The following HTR7 variants were observed in gnomAD, a reference collection of about 807,000 sequenced individuals.
The protein encoded by HTR7 is 5-HT-7.
In HTR7, 16 loss-of-function variants were observed where a neutral mutation model predicts 34.0. The observed-to-expected ratio is 0.47, with a 90% confidence interval of 0.32 to 0.71. The LOEUF is 0.71. Ranked by LOEUF, HTR7 falls within the 30% of genes least tolerant of loss-of-function variation. The pLI is 0.04. For missense variants in HTR7, 504 were observed against 625.5 expected (o/e 0.81, Z 2.07); for synonymous variants, 265 against 260.2 (o/e 1.02, Z -0.18).
chr10:90,757,578 G>A (rs1844854496), intron 1 of HTR7, among the ~76,000 whole-genome samples: 1 of 152,028 alleles, frequency 6.6e-6, no homozygotes, highest in African/African-American at 2.4e-5. Flanking sequence ...CTACACTTCC[G>A]GGCAACTGAA....
chr10:90,779,821 T>C (rs974604974), intron 1 of HTR7, among the ~76,000 whole-genome samples: 1 of 152,148 alleles, frequency 6.6e-6, no homozygotes, highest in African/African-American at 2.4e-5. Flanking sequence ...ATGGAAATAT[T>C]TGTGAGCGAC....
intron 1 of HTR7, among the ~76,000 whole-genome samples, chr10:90,814,016 A>C (rs1845858921): frequency 6.6e-6 from 1 of 152,158 alleles, no homozygotes; most frequent in South Asian, 2.1e-4. Flanking sequence ...CGCAAGAGAG[A>C]GAGCTGTTCT....
chr10:90,816,926 T>C (rs1008727871), intron 1 of HTR7, among the ~76,000 whole-genome samples: 8 of 152,078 alleles, frequency 5.3e-5, no homozygotes, highest in East Asian at 1.9e-4. Context: ...GCATAAAAGG[T>C]TTTAAACATT....
At chr10:90,803,334 T>C (rs1024877202) in intron 1 of HTR7, among the ~76,000 whole-genome samples, 3 of 152,080 alleles carry the variant, frequency 2.0e-5, no homozygotes, top group African/African-American at 7.2e-5. Context: ...TCCCTTGGGG[T>C]AGGGTATTCA....
At chr10:90,837,217 A>G (rs2120075548) in intron 1 of HTR7, among the ~76,000 whole-genome samples, 1 of 152,378 alleles carries the variant, frequency 6.6e-6, no homozygotes, top group Non-Finnish European at 1.5e-5. Flanking sequence ...TAGAATATTC[A>G]TTAATTTATC....
chr10:90,832,175 G>T (rs1846189266), intron 1 of HTR7, among the ~76,000 whole-genome samples: 1 of 152,340 alleles, frequency 6.6e-6, no homozygotes, highest in South Asian at 2.1e-4. Flanking sequence ...CCATGCGGGT[G>T]CACTCCTCAG....
At chr10:90,832,282 A>G (rs111386413) in intron 1 of HTR7, among the ~76,000 whole-genome samples, 11,636 of 152,266 alleles carry the variant, frequency 0.076, 482 homozygotes, top group Non-Finnish European at 0.095. Context: ...GGTGTAGGGG[A>G]GACCCAGGCA....
intron 1 of HTR7, among the ~76,000 whole-genome samples, chr10:90,786,593 T>C (rs1276967101): frequency 1.3e-5 from 2 of 152,258 alleles, no homozygotes; most frequent in Non-Finnish European, 2.9e-5. Context: ...GAATTTTTAT[T>C]TTTAAACTAC....
At position 90,786,515 on chromosome 10, in the gene HTR7, G is replaced by T. The variant is rs375908308; in HGVS notation, c.540-36921C>A. On this transcript the variant is annotated intron_variant, in intron 1 of 3. Transcript: ENST00000336152. Reference sequence around the variant, plus strand: ...ATGAAATGCTTAAATAGATGGAAAAGTCATGAGACCAGGGAAGAGTAAGAA... The same window carrying T: ...ATGAAATGCTTAAATAGATGGAAAATTCATGAGACCAGGGAAGAGTAAGAA... Among the ~76,000 whole-genome samples, 25 of 152,338 alleles carry T rather than the reference G, an allele frequency of 1.6e-4. 1 individual carries two copies. The South Asian group carries it at 2.9e-3, about 18-fold the overall frequency.
intron 1 of HTR7, among the ~76,000 whole-genome samples, chr10:90,773,693 CAT>C (rs1400832923): frequency 7.2e-5 from 11 of 152,278 alleles, no homozygotes; most frequent in Admixed American, 6.5e-4. Flanking sequence ...CAGGTGAAAA[CAT>C]GTGATGTTTG....
In HTR7 at chr10:90,857,622, C is replaced by A. The variant is rs765524525; in HGVS notation, c.50G>T (p.Arg17Leu). 1.3e-6 allele frequency: 2 copies of A among 1,598,326 alleles called. No homozygotes were observed. The highest frequency in any genetic ancestry group is 8.5e-7 in the Non-Finnish European group (1 of 1,175,268). ...SGRPDLYGHL[R>L]SFLLPEVGRG... is the part of the protein sequence containing the mutation. ...CCCCACTTCTGGCAGAAGGAAAGAG[C>A]GGAGGTGCCCGTAGAGGTCCGGGCG... The change falls in exon 1 of 4, where the codon CGC (arginine) becomes CTC (leucine). Residue 17 changes from arginine (R) to leucine (L), a missense_variant. Arg to Leu is a moderately radical substitution (Grantham distance 102). Coordinates refer to ENST00000336152, the MANE Select transcript of HTR7 (RefSeq NM_019859.4). This position sits in a 1 kb window ranked among gnomAD's most constrained non-coding sequence, Gnocchi z 6.5.
chr10:90,750,804 AACACTT>A (rs1844721320), intron 1 of HTR7, among the ~76,000 whole-genome samples: 1 of 152,218 alleles, frequency 6.6e-6, no homozygotes, highest in Non-Finnish European at 1.5e-5. Flanking sequence ...GCATCACTAT[AACACTT>A]ACAGGAAGAC....
Position 90,857,805 on chromosome 10 carries a change from C to T in HTR7, c.-134G>A. The stretch of plus-strand genomic sequence containing the variant: ...GGGGCCCGCGCCGACCGCTGGGGGG[C>T]GCCTGGCTCTGTCTCGGAGCCCCGC... On this transcript the variant is annotated 5_prime_UTR_variant, in exon 1 of 4. Transcript: ENST00000336152. The surrounding 1 kb of genome is among the most constrained non-coding windows in gnomAD (Gnocchi z 6.5). The T allele has an allele frequency of 3.5e-6, 3 of 859,168 alleles. No homozygotes were observed. Among genetic ancestry groups the T allele is most frequent in the African/African-American group, 1.8e-5 (1 of 56,068 alleles). 53.2% of individuals were successfully genotyped at this position (859,168 alleles called of 1,614,324 possible). A position where few individuals can be genotyped will look rare whatever the true frequency, so the allele number is the denominator to read the frequency against.
At chr10:90,792,971 G>T (rs1390710112) in intron 1 of HTR7, among the ~76,000 whole-genome samples, 3 of 151,948 alleles carry the variant, frequency 2.0e-5, no homozygotes, top group Non-Finnish European at 2.9e-5. Context: ...ATAAAGAAAA[G>T]CTTCATAACA....
intron 1 of HTR7, among the ~76,000 whole-genome samples, chr10:90,798,227 G>A (rs1270815208): frequency 1.3e-5 from 2 of 152,164 alleles, no homozygotes; most frequent in Non-Finnish European, 2.9e-5. Context: ...GTTTGCAAAA[G>A]CTAATACTAT....
intron 3 of HTR7, among the ~76,000 whole-genome samples, chr10:90,743,315 G>C (rs1844583887): frequency 6.6e-6 from 1 of 152,162 alleles, no homozygotes; most frequent in African/African-American, 2.4e-5. Flanking sequence ...TGGAGACATG[G>C]TTTCTAGCTT....
rs151158338 is a variant in HTR7 at position 90,840,442 on chromosome 10, C to A, written c.539+16691G>T. On this transcript the variant is annotated intron_variant, in intron 1 of 3. Coordinates refer to ENST00000336152, the MANE Select transcript of HTR7 (RefSeq NM_019859.4). ...CAGATAGGCTGCTTCATTCTCCTAC[C>A]CCAAACATGCAGAAAACTTAGCTGC... Among the ~76,000 whole-genome samples, 6 of 152,182 alleles carry A rather than the reference C, an allele frequency of 3.9e-5. No homozygotes were observed. The East Asian group carries it at 1.2e-3, about 29-fold the overall frequency.
In HTR7 at chr10:90,853,414, T is replaced by A. The variant is rs576663783; in HGVS notation, c.539+3719A>T. ...GATCCTCCCACCTCAGCTTCCCAAG[T>A]AATTGAGAACACAGGCATTTGCCAC... On this transcript the variant is annotated intron_variant, in intron 1 of 3. Coordinates refer to ENST00000336152, the MANE Select transcript of HTR7 (RefSeq NM_019859.4). Among the ~76,000 whole-genome samples the A allele has an allele frequency of 3.3e-5, 5 of 151,172 alleles. No individual in the cohort carries two copies. In the South Asian group the frequency reaches 1.0e-3, roughly 32 times the overall value.
At chr10:90,789,549 T>C (rs565742721) in intron 1 of HTR7, among the ~76,000 whole-genome samples, 1 of 148,610 alleles carries the variant, frequency 6.7e-6, no homozygotes, top group East Asian at 2.0e-4. Context: ...AGACATGATC[T>C]GTTTCTTTAA....
Sources: allele counts gnomAD v4.1 joint callset (sites outside exome capture counted in the v4.1 genomes callset), GRCh38; gene constraint gnomAD v4.1.1; non-coding constraint Gnocchi (gnomAD v3.1); transcripts MANE v1.5; gene names NCBI Gene and HGNC (gene_info 2026-07-23, HGNC 2026-07-21).